MYO16: variants seen among roughly 807,000 people sequenced by gnomAD.
MYO16 encodes the protein unconventional myosin-XVI.
Under a neutral mutation model 205.3 loss-of-function variants are expected in MYO16, and 94 were observed. The ratio of observed to expected loss-of-function variants is 0.46; its 90% confidence interval spans 0.39 to 0.54. MYO16 has a LOEUF of 0.54. Among genes scored for constraint, MYO16 ranks in the 20% least tolerant of loss-of-function variants. The pLI is 0.00. For missense variants in MYO16, 2,315 were observed against 2,387.5 expected (o/e 0.97, Z 0.63); for synonymous variants, 988 against 954.0 (o/e 1.04, Z -0.66).
chr13:108,863,697 G>A (rs539881352), intron 11 of MYO16, among the ~76,000 whole-genome samples: 4 of 151,934 alleles, frequency 2.6e-5, no homozygotes, highest in Non-Finnish European at 5.9e-5. Context: ...TTTGTGTGTT[G>A]TTCTTAAAAT....
chr13:109,055,975 G>C lies in MYO16; in HGVS notation c.3335+380G>C. ...TGAACAAAATATTATTTAGATCAGT[G>C]GTTGGCAAACTACACTCATGGGCCA... On this transcript the variant is annotated intron_variant, in intron 27 of 34. Coordinates refer to ENST00000457511, the MANE Select transcript of MYO16 (RefSeq NM_001198950.3). This position sits in a 1 kb window ranked among gnomAD's most constrained non-coding sequence, Gnocchi z 5.0. The C allele has an allele frequency of 6.1e-6, 1 of 164,858 alleles. No homozygotes were observed. Among genetic ancestry groups the C allele is most frequent in the Non-Finnish European group, 1.3e-5 (1 of 75,176 alleles). The allele number at this position is 164,858 out of a possible 1,614,324, so 10.2% of individuals were successfully genotyped here.
intron 32 of MYO16, among the ~76,000 whole-genome samples, chr13:109,143,306 T>G (rs1300411930): frequency 6.6e-6 from 1 of 152,148 alleles, no homozygotes; most frequent in East Asian, 1.9e-4. Flanking sequence ...AATGAATGAA[T>G]AACCTTCTCC....
intron 21 of MYO16, among the ~76,000 whole-genome samples, chr13:109,005,506 C>G (rs145256452): frequency 1.8e-4 from 27 of 152,106 alleles, no homozygotes; most frequent in Non-Finnish European, 2.8e-4. Flanking sequence ...TGGTATATGT[C>G]TACTATACTG....
chr13:108,591,234 GCAT>G (rs1368339669), upstream of MYO16, among the ~76,000 whole-genome samples: 1 of 152,152 alleles, frequency 6.6e-6, no homozygotes, highest in Non-Finnish European at 1.5e-5. Flanking sequence ...TGTCTCTGGG[GCAT>G]CAGGAGGTGC....
rs983594402 is a variant in MYO16, at chr13:109,127,835, T to C, written c.4051+285T>C. Among the ~76,000 whole-genome samples, 2 of 141,234 alleles carry C rather than the reference T, an allele frequency of 1.4e-5. No homozygotes were observed. The highest frequency in any genetic ancestry group is 1.5e-4 in the Admixed American group (2 of 13,690). The allele number at this position is 141,234 out of a possible 152,430, so 92.7% of individuals were successfully genotyped here. On this transcript the variant is annotated intron_variant, in intron 31 of 34. Coordinates refer to ENST00000457511, the MANE Select transcript of MYO16 (RefSeq NM_001198950.3). The surrounding 1 kb of genome is among the most constrained non-coding windows in gnomAD (Gnocchi z 4.2). Reference sequence around the variant, plus strand: ...ATTCAGAAAGTCGGCAGCTATTCCATGTAAAGGTTCACCAATGAGAAAGTA... The same window carrying C: ...ATTCAGAAAGTCGGCAGCTATTCCACGTAAAGGTTCACCAATGAGAAAGTA...
At chr13:109,068,640 G>T (rs1887829499) in intron 27 of MYO16, among the ~76,000 whole-genome samples, 1 of 143,538 alleles carries the variant, frequency 7.0e-6, no homozygotes, top group Non-Finnish European at 1.5e-5. Context: ...TGCCCAAGCT[G>T]GAGTGCAATG....
Position 108,983,711 on chromosome 13 carries a change from A to T in MYO16, c.2370-8665A>T, listed in dbSNP as rs1884529938. Among the ~76,000 whole-genome samples the T allele has an allele frequency of 2.0e-5, 3 of 152,270 alleles. No homozygotes were observed. In the South Asian group the frequency reaches 6.2e-4, roughly 32 times the overall value. The stretch of plus-strand genomic sequence containing the variant: ...GCTTGTTGCTCTCCAAATAGACTAA[A>T]CGCTGCCTGAGGAATAGGTTCCATG... On this transcript the variant is annotated intron_variant, in intron 20 of 34. Transcript: ENST00000457511.
At chr13:108,807,219 C>T (rs1041614550) in intron 7 of MYO16, among the ~76,000 whole-genome samples, 2 of 152,040 alleles carry the variant, frequency 1.3e-5, no homozygotes, top group Non-Finnish European at 2.9e-5. Flanking sequence ...TTAATGTGTT[C>T]ATTTCAGAAC....
chr13:108,575,478 C>T, the MYO16 span, among the ~76,000 whole-genome samples: 1 of 152,074 alleles, frequency 6.6e-6, no homozygotes, highest in African/African-American at 2.4e-5. Context: ...AAGCCTGAGC[C>T]CCAGCACCCA....
intron 1 of MYO16, among the ~76,000 whole-genome samples, chr13:108,602,416 C>T (rs558472032): frequency 5.3e-5 from 8 of 152,158 alleles, no homozygotes; most frequent in Middle Eastern, 3.4e-3. Context: ...TACGTAATTG[C>T]GATCTTGAAC....
intron 33 of MYO16, among the ~76,000 whole-genome samples, chr13:109,167,624 T>C (rs1249322470): frequency 1.3e-5 from 2 of 152,158 alleles, no homozygotes; most frequent in East Asian, 3.9e-4. Context: ...CAATCCAACG[T>C]TTGTAAAAAT....
chr13:108,862,507 A>C (rs1460749041), intron 11 of MYO16, among the ~76,000 whole-genome samples: 1 of 152,176 alleles, frequency 6.6e-6, no homozygotes, highest in African/African-American at 2.4e-5. Context: ...TCCCTGCTGC[A>C]TGATCACAGC....
chr13:108,586,818 A>G, the MYO16 span, among the ~76,000 whole-genome samples: 1 of 152,218 alleles, frequency 6.6e-6, no homozygotes, highest in African/African-American at 2.4e-5. Flanking sequence ...GTCTGGAGTT[A>G]CTTTCAATTT....
chr13:108,933,046 A>T (rs1044632487), intron 16 of MYO16, among the ~76,000 whole-genome samples: 2 of 152,120 alleles, frequency 1.3e-5, no homozygotes, highest in Non-Finnish European at 2.9e-5. Flanking sequence ...AGGGGGAGCT[A>T]CAAATAACAG....
intron 22 of MYO16, among the ~76,000 whole-genome samples, chr13:109,015,336 C>T (rs1311377595): frequency 1.3e-5 from 2 of 152,052 alleles, no homozygotes; most frequent in African/African-American, 4.8e-5. Context: ...TGGATAAGCT[C>T]TTTGATGTGC....
intron 32 of MYO16, among the ~76,000 whole-genome samples, chr13:109,149,545 T>C (rs187442961): frequency 1.3e-5 from 2 of 152,230 alleles, no homozygotes; most frequent in East Asian, 3.9e-4. Flanking sequence ...ACAATAAAAT[T>C]AAAATAATGA....
At chr13:108,657,958 A>G (rs986526372) in intron 1 of MYO16, among the ~76,000 whole-genome samples, 2 of 152,160 alleles carry the variant, frequency 1.3e-5, no homozygotes, top group Admixed American at 6.5e-5. Flanking sequence ...CTGACAAACT[A>G]TACATTCATG....
At chr13:108,972,237 C>CTT in intron 20 of MYO16, among the ~76,000 whole-genome samples, 1 of 16,302 alleles carries the variant, frequency 6.1e-5, no homozygotes, top group South Asian at 2.3e-3. Context: ...CTCTCTCTCT[C>CTT]TCTCTCTCTC....
At chr13:109,045,418 A>G (rs996821252) in intron 23 of MYO16, among the ~76,000 whole-genome samples, 3 of 152,244 alleles carry the variant, frequency 2.0e-5, no homozygotes, top group Admixed American at 2.0e-4. Flanking sequence ...TTAACAACGT[A>G]TGGTGTGTCA....
Sources: allele counts gnomAD v4.1 joint callset (sites outside exome capture counted in the v4.1 genomes callset), GRCh38; gene constraint gnomAD v4.1.1; non-coding constraint Gnocchi (gnomAD v3.1); transcripts MANE v1.5; gene names NCBI Gene and HGNC (gene_info 2026-07-23, HGNC 2026-07-21).